Variants in VPS45 observed in about 807,000 individuals in gnomAD.
VPS45 encodes the protein vacuolar protein sorting 45 homolog.
VPS45 carries 35 observed loss-of-function variants against 75.9 expected under a neutral mutation model. The observed-to-expected ratio is 0.46, with a 90% CI of 0.35 to 0.61. The LOEUF is 0.61. Ranked by LOEUF, VPS45 falls within the 20% of genes least tolerant of loss-of-function variation. VPS45 has a pLI of 0.00. For missense variants in VPS45, 559 were observed against 685.9 expected, an observed-to-expected ratio of 0.81 and a Z score of 2.07; for synonymous variants, 220 against 238.2, an observed-to-expected ratio of 0.92 and a Z score of 0.70.
At chr1:150,103,941 G>A (rs1377231216) in intron 13 of VPS45, among the ~76,000 whole-genome samples, 5 of 151,998 alleles carry the variant, frequency 3.3e-5, no homozygotes, top group Admixed American at 6.6e-5. Flanking sequence ...AAAATAATCT[G>A]CAATTCATTT....
chr1:150,072,366 A>G (rs1655124392), intron 3 of VPS45, 140 bp downstream of exon 3: 1 of 638,976 alleles, frequency 1.6e-6, no homozygotes, highest in Non-Finnish European at 2.4e-6. Flanking sequence ...CCAAAGTATT[A>G]AAAATCTTTT....
chr1:150,092,250 A>C, intron 11 of VPS45, 52 bp from the exon 12 acceptor site: 1 of 1,567,992 alleles, frequency 6.4e-7, no homozygotes. Context: ...TTTCTTATGA[A>C]ATGGGCTTCC....
intron 13 of VPS45, among the ~76,000 whole-genome samples, chr1:150,105,933 G>A (rs1657301464): frequency 6.6e-6 from 1 of 151,978 alleles, no homozygotes; most frequent in African/African-American, 2.4e-5. Flanking sequence ...ACAGAATAGA[G>A]AACCCAGAAA....
chr1:150,110,563 C>A lies in VPS45; in HGVS notation c.1561C>A (p.Leu521Met). Residue 521 changes from leucine (L) to methionine (M), a missense_variant, in exon 14 of 15, where the codon CTG becomes ATG. Transcript: ENST00000644510. Reference protein sequence around the residue: ...TYEEALTVYNLNRTTPGVRIV... With the variant: ...TYEEALTVYNMNRTTPGVRIV... ...TGAAGAGGCTCTAACAGTTTATAAC[C>A]TGAACCGCACCACTCCTGGAGTGAG... 1.9e-6 allele frequency: 3 copies of A among 1,613,798 alleles called. No individual in the cohort carries two copies. The highest frequency in any genetic ancestry group is 2.5e-6 in the Non-Finnish European group (3 of 1,179,854).
At chr1:150,100,778 T>C (rs1469034372) in intron 13 of VPS45, among the ~76,000 whole-genome samples, 6 of 152,236 alleles carry the variant, frequency 3.9e-5, no homozygotes, top group African/African-American at 1.2e-4. Flanking sequence ...ACTAGCCATA[T>C]GCAGAAGATT....
intron 9 of VPS45, 132 bp from the exon 10 acceptor site, chr1:150,082,584 T>A: frequency 9.3e-7 from 1 of 1,078,146 alleles, no homozygotes; most frequent in Non-Finnish European, 1.3e-6. Context: ...CAAAATGCCA[T>A]GTGGCTGAAA....
At chr1:150,093,068 G>A (rs371568993) in intron 12 of VPS45, among the ~76,000 whole-genome samples, 8 of 151,708 alleles carry the variant, frequency 5.3e-5, no homozygotes, top group East Asian at 3.9e-4. Context: ...GGATGGTCTC[G>A]AACTCCTGAC....
intron 14 of VPS45, among the ~76,000 whole-genome samples, chr1:150,119,454 A>G (rs1449734524): frequency 6.6e-6 from 1 of 152,200 alleles, no homozygotes; most frequent in Non-Finnish European, 1.5e-5. Flanking sequence ...TCTTAAGGAA[A>G]CAGGCCAAAA....
intron 10 of VPS45, among the ~76,000 whole-genome samples, chr1:150,086,802 T>C (rs2101550271): frequency 6.6e-6 from 1 of 152,294 alleles, no homozygotes; most frequent in East Asian, 1.9e-4. Context: ...CCCACAACAC[T>C]GTTCTCTCAA....
rs371562475 is a variant in VPS45, at chr1:150,106,752, G to A, written c.1494-3744G>A. 2.2e-3 allele frequency among the ~76,000 whole-genome samples: 330 copies of A among 152,116 alleles called. 1 individual carries two copies. The highest frequency in any genetic ancestry group is 7.8e-3 in the African/African-American group (322 of 41,500). ...GTTAAATAATAAATTTAAAGCCTTT[G>A]GTCCTAGATTTTCCTGTAAGTTATG... On this transcript the variant is annotated intron_variant, in intron 13 of 14. Coordinates refer to ENST00000644510, the MANE Select transcript of VPS45 (RefSeq NM_007259.5).
chr1:150,127,182 T>A (rs1316495256), intron 14 of VPS45, among the ~76,000 whole-genome samples: 4 of 152,224 alleles, frequency 2.6e-5, no homozygotes. Context: ...TTTGGATATA[T>A]GGGTTAAATA....
chr1:150,077,538 A>G (rs1655461477), intron 6 of VPS45, 131 bp from the exon 7 acceptor site: 1 of 720,222 alleles, frequency 1.4e-6, no homozygotes, highest in Admixed American at 2.8e-5. Context: ...AGACTTTTGA[A>G]TCCTTCATAT....
At position 150,076,993 on chromosome 1, in the gene VPS45, G is replaced by A. The variant is rs1190840735; in HGVS notation, c.438+9G>A. The A allele has an allele frequency of 6.2e-6, 10 of 1,614,066 alleles. No individual in the cohort carries two copies. The highest frequency in any genetic ancestry group is 8.5e-6 in the Non-Finnish European group (10 of 1,179,982). On this transcript the variant is annotated intron_variant, in intron 5 of 14. Coordinates refer to ENST00000644510, the MANE Select transcript of VPS45 (RefSeq NM_007259.5). ...TTTTGGGTTGCTGCCAGGTATGGAA[G>A]GAAAGGTTTAATTTATCAGTCGAGA...
intron 14 of VPS45, among the ~76,000 whole-genome samples, chr1:150,112,454 G>A (rs1657696353): frequency 6.6e-6 from 1 of 152,090 alleles, no homozygotes; most frequent in Non-Finnish European, 1.5e-5. Context: ...CAGTCTATCA[G>A]AATTTTAGTT....
chr1:150,091,716 TG>T (rs1229574134), intron 10 of VPS45, among the ~76,000 whole-genome samples: 1 of 152,234 alleles, frequency 6.6e-6, no homozygotes, highest in African/African-American at 2.4e-5. Flanking sequence ...AATTCATTTT[TG>T]TCCTAAAGCA....
At position 150,068,021 on chromosome 1, in the gene VPS45, G is replaced by A. The variant is rs1210490868; in HGVS notation, c.93+71G>A. On this transcript the variant is annotated intron_variant, in intron 1 of 14. Coordinates refer to ENST00000644510, the MANE Select transcript of VPS45 (RefSeq NM_007259.5). ...TTACAATTGCTCGTCCCATTCCACTGTAGGACTTAGCATTTAATTAAACAT... is the reference window on the plus strand; with the variant it reads ...TTACAATTGCTCGTCCCATTCCACTATAGGACTTAGCATTTAATTAAACAT... The A allele has an allele frequency of 6.3e-6, 9 of 1,428,574 alleles. No individual in the cohort carries two copies. The African/African-American group carries it at 1.1e-4, about 18-fold the overall frequency. The allele number at this position is 1,428,574 out of a possible 1,614,324, so 88.5% of individuals were successfully genotyped here. A position where few individuals can be genotyped will look rare whatever the true frequency, so the allele number is the denominator to read the frequency against.
chr1:150,112,133 T>C (rs1442495589), intron 14 of VPS45, among the ~76,000 whole-genome samples: 1 of 152,164 alleles, frequency 6.6e-6, no homozygotes, highest in East Asian at 1.9e-4. Context: ...CTTTGCCCAT[T>C]CCACAATTGA....
chr1:150,070,514 C>T (rs1340088829), intron 2 of VPS45, among the ~76,000 whole-genome samples: 2 of 151,846 alleles, frequency 1.3e-5, no homozygotes, highest in Admixed American at 6.6e-5. Context: ...TCCTTTTGGC[C>T]GGGCGCGGTG....
chr1:150,103,590 C>T (rs587767368), intron 13 of VPS45, among the ~76,000 whole-genome samples: 1 of 152,242 alleles, frequency 6.6e-6, no homozygotes, highest in South Asian at 2.1e-4. Flanking sequence ...CTTTCCTCTC[C>T]AGTAGTACAA....
Sources: gnomAD v4.1 joint callset for allele counts (sites outside exome capture counted in the v4.1 genomes callset) on GRCh38, gnomAD v4.1.1 for gene constraint, MANE v1.5 for transcripts, NCBI Gene and HGNC (gene_info 2026-07-23, HGNC 2026-07-21) for gene names.